PTPRC: variants seen among roughly 807,000 people sequenced by gnomAD.
PTPRC encodes protein tyrosine phosphatase receptor type C.
PTPRC carries 44 observed loss-of-function variants against 155.9 expected under a neutral mutation model. The ratio of observed to expected loss-of-function variants is 0.28; its 90% confidence interval spans 0.22 to 0.36. PTPRC has a LOEUF of 0.36. Among genes scored for constraint, PTPRC ranks in the 10% least tolerant of loss-of-function variants. The pLI, the probability that PTPRC is intolerant of heterozygous loss-of-function variation, is 1.00. For missense variants in PTPRC, 1,401 were observed against 1,564.6 expected (o/e 0.90, Z 1.76); for synonymous variants, 525 against 533.1 (o/e 0.98, Z 0.21).
At chr1:198,639,023 T>G, upstream of PTPRC, 1 of 483,860 alleles carries the variant, frequency 2.1e-6, no homozygotes. Context: ...TTTGGAGAAG[T>G]TAGTAAAACC....
chr1:198,738,140 C>T (rs1654733832), intron 23 of PTPRC, among the ~76,000 whole-genome samples: 1 of 151,662 alleles, frequency 6.6e-6, no homozygotes, highest in Non-Finnish European at 1.5e-5. Context: ...AATTTGGATG[C>T]CTTGTGTTTC....
At chr1:198,739,994 G>A (rs1176977842) in intron 23 of PTPRC, among the ~76,000 whole-genome samples, 1 of 151,584 alleles carries the variant, frequency 6.6e-6, no homozygotes, top group Non-Finnish European at 1.5e-5. Flanking sequence ...AAATCACTAA[G>A]GAAATTTTAA....
chr1:198,690,626 C>T lies in PTPRC; in HGVS notation c.74-1721C>T, dbSNP rs193135952. 2.6e-3 allele frequency among the ~76,000 whole-genome samples: 390 copies of T among 152,040 alleles called. 14 individuals carry two copies. In the South Asian group the frequency reaches 0.064, roughly 25 times the overall value. ...AGCCAGGGAATGTCATTGAAGAATA[C>T]GGGGTGATGCTCCTTGGATGGCAAC... On this transcript the variant is annotated intron_variant, in intron 2 of 32. Coordinates refer to ENST00000442510, the MANE Select transcript of PTPRC (RefSeq NM_002838.5).
At chr1:198,667,245 T>C (rs372342641) in intron 2 of PTPRC, among the ~76,000 whole-genome samples, 2 of 152,232 alleles carry the variant, frequency 1.3e-5, no homozygotes, top group Non-Finnish European at 2.9e-5. Flanking sequence ...TAACCATTCA[T>C]TGCTGTCAGA....
chr1:198,740,938 G>A (rs1251366056), intron 23 of PTPRC, among the ~76,000 whole-genome samples: 3 of 151,768 alleles, frequency 2.0e-5, no homozygotes, highest in Non-Finnish European at 2.9e-5. Context: ...ATTTTCTACA[G>A]GAGAAACAGA....
At chr1:198,750,338 T>C (rs1371288145) in intron 28 of PTPRC, 154 bp from the exon 29 acceptor site, 2 of 748,910 alleles carry the variant, frequency 2.7e-6, no homozygotes, top group East Asian at 5.4e-5. Context: ...TACATATAGC[T>C]ATTACATTGT....
At chr1:198,748,076 AAGG>A in intron 26 of PTPRC, 30 bp from the exon 27 acceptor site, 1 of 1,579,088 alleles carries the variant, frequency 6.3e-7, no homozygotes, top group Non-Finnish European at 8.6e-7. Flanking sequence ...TTACATTTTA[AAGG>A]AGTTTTTCTG....
chr1:198,756,441 T>A lies in PTPRC; in HGVS notation c.*260T>A. The A allele has an allele frequency of 2.1e-6, 1 of 473,782 alleles. No individual in the cohort carries two copies. Among genetic ancestry groups the A allele is most frequent in the Non-Finnish European group, 3.8e-6 (1 of 261,100 alleles). 29.3% of individuals were successfully genotyped at this position (473,782 alleles called of 1,614,324 possible). On this transcript the variant is annotated 3_prime_UTR_variant, in exon 33 of 33. Coordinates refer to ENST00000442510, the MANE Select transcript of PTPRC (RefSeq NM_002838.5). ...TCTTTGTAATCGTTATGTGTGTATA[T>A]GTATGTGTGTATGGGTGTGTGTTTG...
chr1:198,673,875 A>G (rs923744056), intron 2 of PTPRC, among the ~76,000 whole-genome samples: 1 of 152,174 alleles, frequency 6.6e-6, no homozygotes, highest in Admixed American at 6.5e-5. Flanking sequence ...AAGAAATTGA[A>G]ATTTTGAAGT....
chr1:198,749,379 T>C, intron 27 of PTPRC, 37 bp from the exon 28 acceptor site: 1 of 1,588,242 alleles, frequency 6.3e-7, no homozygotes, highest in Non-Finnish European at 8.6e-7. Flanking sequence ...AATTTAATTT[T>C]TTCAAGGAAG....
chr1:198,724,304 G>A (rs1210755095), intron 15 of PTPRC, among the ~76,000 whole-genome samples: 3 of 152,130 alleles, frequency 2.0e-5, no homozygotes, highest in African/African-American at 7.2e-5. Flanking sequence ...ATGTGTTGTT[G>A]GGTTTCCCCG....
intron 2 of PTPRC, among the ~76,000 whole-genome samples, chr1:198,678,823 T>TC (rs1425913414): frequency 2.0e-5 from 3 of 151,018 alleles, no homozygotes; most frequent in Admixed American, 6.6e-5. Flanking sequence ...TGGTCTTTTT[T>TC]TCCCCCCCAG....
At chr1:198,723,936 G>A (rs975619624) in intron 15 of PTPRC, among the ~76,000 whole-genome samples, 2 of 152,206 alleles carry the variant, frequency 1.3e-5, no homozygotes, top group Non-Finnish European at 2.9e-5. Context: ...CAACAGGGGT[G>A]TGCTCAGTTA....
intron 23 of PTPRC, among the ~76,000 whole-genome samples, chr1:198,740,980 G>C (rs1654874464): frequency 6.6e-6 from 1 of 151,786 alleles, no homozygotes. Flanking sequence ...GGTCTTCTTA[G>C]GTTTCCATGG....
Position 198,734,451 on chromosome 1 carries a change from T to C in PTPRC, c.2277+26T>C, listed in dbSNP as rs534666325. On this transcript the variant is annotated intron_variant, in intron 22 of 32. Coordinates refer to ENST00000442510, the MANE Select transcript of PTPRC (RefSeq NM_002838.5). ...GTAAGAACCAAGAAGATTCATAGTG[T>C]GGGTCTTGGGGTTAGGAAAACAAGG... 4.2e-5 allele frequency: 67 copies of C among 1,600,196 alleles called. No individual in the cohort carries two copies. In the Middle Eastern group the frequency reaches 6.6e-4, roughly 16 times the overall value.
At chr1:198,678,825 C>T (rs1030876482) in intron 2 of PTPRC, among the ~76,000 whole-genome samples, 6 of 138,286 alleles carry the variant, frequency 4.3e-5, no homozygotes, top group African/African-American at 1.3e-4. Context: ...GTCTTTTTTT[C>T]CCCCCCAGTT....
intron 2 of PTPRC, among the ~76,000 whole-genome samples, chr1:198,686,886 A>C (rs140636179): frequency 6.6e-6 from 1 of 152,334 alleles, no homozygotes; most frequent in African/African-American, 2.4e-5. Flanking sequence ...TTAGGTAACT[A>C]CATCAGTTCA....
intron 4 of PTPRC, 36 bp downstream of exon 4, chr1:198,696,945 G>A (rs1290538540): frequency 6.5e-7 from 1 of 1,543,924 alleles, no homozygotes; most frequent in East Asian, 2.2e-5. Flanking sequence ...AAATATCAGG[G>A]AATGTCATTT....
intron 26 of PTPRC, among the ~76,000 whole-genome samples, chr1:198,747,107 T>C (rs560586406): frequency 1.8e-4 from 27 of 151,914 alleles, no homozygotes; most frequent in African/African-American, 6.3e-4. Context: ...TCATTAAATA[T>C]TATTCACTTG....
Sources: gnomAD v4.1 joint callset for allele counts (sites outside exome capture counted in the v4.1 genomes callset) on GRCh38, gnomAD v4.1.1 for gene constraint, MANE v1.5 for transcripts, NCBI Gene and HGNC (gene_info 2026-07-23, HGNC 2026-07-21) for gene names.